The following CMTM8 variants were observed in gnomAD, a reference collection of about 807,000 sequenced individuals.
CMTM8 encodes the protein CKLF-like MARVEL transmembrane domain-containing protein 8.
Under a neutral mutation model 18.6 loss-of-function variants are expected in CMTM8, and 12 were observed. That is an observed-to-expected ratio of 0.65 (90% CI 0.41 to 1.05). The LOEUF (loss-of-function observed/expected upper bound fraction) is 1.05, where lower values mean the gene tolerates loss of function less well. CMTM8 is among the 50% of genes least tolerant of loss of function. CMTM8 has a pLI of 0.00. For synonymous variants in CMTM8, 87 were observed against 90.6 expected (o/e 0.96, Z 0.23); for missense variants, 217 against 227.2 (o/e 0.95, Z 0.29).
chr3:32,316,675 T>TC (rs1467687202), intron 1 of CMTM8, among the ~76,000 whole-genome samples: 27 of 147,308 alleles, frequency 1.8e-4, no homozygotes, highest in Admixed American at 1.6e-3. Context: ...GATTTTTTTT[T>TC]CCCCCTAAAA....
intron 1 of CMTM8, among the ~76,000 whole-genome samples, chr3:32,354,167 TAA>T (rs35976623): frequency 4.0e-5 from 6 of 149,228 alleles, no homozygotes; most frequent in South Asian, 2.1e-4. Context: ...AGTCTTAGCC[TAA>T]AAAAAAAATG....
At chr3:32,242,579 C>T (rs1701957743) in intron 1 of CMTM8, among the ~76,000 whole-genome samples, 1 of 152,066 alleles carries the variant, frequency 6.6e-6, no homozygotes, top group Non-Finnish European at 1.5e-5. Context: ...CTGCCCACCT[C>T]GGCCTCCCAA....
chr3:32,274,753 G>A (rs1481104384), intron 1 of CMTM8, among the ~76,000 whole-genome samples: 2 of 152,140 alleles, frequency 1.3e-5, no homozygotes, highest in Non-Finnish European at 2.9e-5. Context: ...TAGTCATCAT[G>A]TCTTCTTTAG....
intron 1 of CMTM8, among the ~76,000 whole-genome samples, chr3:32,282,677 A>G (rs1702625584): frequency 6.6e-6 from 1 of 152,124 alleles, no homozygotes; most frequent in African/African-American, 2.4e-5. Flanking sequence ...GTGTCATGAT[A>G]TTCCACTTCC....
chr3:32,332,472 AG>A (rs1405986685), intron 1 of CMTM8, among the ~76,000 whole-genome samples: 3 of 150,644 alleles, frequency 2.0e-5, no homozygotes, highest in African/African-American at 7.3e-5. Context: ...TCAGGAGGTG[AG>A]GGGTGGGGAG....
chr3:32,250,263 TG>T (rs1244671695), intron 1 of CMTM8, among the ~76,000 whole-genome samples: 1 of 152,266 alleles, frequency 6.6e-6, no homozygotes, highest in East Asian at 1.9e-4. Flanking sequence ...CATGCTGTAT[TG>T]ATTACTGTAA....
intron 1 of CMTM8, among the ~76,000 whole-genome samples, chr3:32,294,899 A>G (rs1262046322): frequency 3.3e-5 from 5 of 151,960 alleles, no homozygotes; most frequent in African/African-American, 1.2e-4. Context: ...TACTAAAACT[A>G]CAAAAATTAG....
intron 1 of CMTM8, among the ~76,000 whole-genome samples, chr3:32,326,309 T>TA (rs1165842213): frequency 6.6e-6 from 1 of 152,176 alleles, no homozygotes; most frequent in Non-Finnish European, 1.5e-5. Context: ...GCTCAGTGAA[T>TA]AAAATCTGAA....
chr3:32,352,136 C>G (rs559933698), intron 1 of CMTM8, among the ~76,000 whole-genome samples: 100 of 149,350 alleles, frequency 6.7e-4, no homozygotes, highest in Non-Finnish European at 1.3e-3. Flanking sequence ...CAAGATCACA[C>G]CACTGCACTC....
intron 2 of CMTM8, among the ~76,000 whole-genome samples, chr3:32,361,651 C>T (rs1205805150): frequency 3.9e-5 from 6 of 152,102 alleles, no homozygotes; most frequent in African/African-American, 1.4e-4. Context: ...ATTGATAAGG[C>T]ATGAACTTTG....
intron 1 of CMTM8, among the ~76,000 whole-genome samples, chr3:32,254,190 G>C (rs1023104112): frequency 3.3e-5 from 5 of 152,122 alleles, no homozygotes; most frequent in African/African-American, 9.7e-5. Context: ...CACTGCACCC[G>C]GCCTTGTCCC....
intron 1 of CMTM8, among the ~76,000 whole-genome samples, chr3:32,353,752 G>T (rs1696757817): frequency 6.6e-6 from 1 of 151,858 alleles, no homozygotes; most frequent in Non-Finnish European, 1.5e-5. Flanking sequence ...ATAGGGAAGG[G>T]CGTTGTCATT....
intron 1 of CMTM8, among the ~76,000 whole-genome samples, chr3:32,287,048 A>G (rs1247059155): frequency 6.6e-6 from 1 of 152,210 alleles, no homozygotes; most frequent in East Asian, 1.9e-4. Flanking sequence ...GTGCAGTGGC[A>G]GCCTATTTGT....
At chr3:32,291,668 C>G (rs1051255363) in intron 1 of CMTM8, among the ~76,000 whole-genome samples, 2 of 152,210 alleles carry the variant, frequency 1.3e-5, no homozygotes, top group African/African-American at 4.8e-5. Flanking sequence ...GCCACTTTGG[C>G]ATGGCCACAG....
At chr3:32,347,487 G>A (rs552012800) in intron 1 of CMTM8, among the ~76,000 whole-genome samples, 57 of 151,826 alleles carry the variant, frequency 3.8e-4, no homozygotes, top group African/African-American at 1.2e-3. Context: ...AGGTCCAGCC[G>A]GGCAGGGCTT....
intron 1 of CMTM8, among the ~76,000 whole-genome samples, chr3:32,257,268 C>T (rs980958268): frequency 6.6e-6 from 1 of 152,196 alleles, no homozygotes; most frequent in African/African-American, 2.4e-5. Context: ...TGAGCCACAA[C>T]ACTGGAAAGG....
intron 2 of CMTM8, 112 bp downstream of exon 2, chr3:32,357,658 C>A: frequency 9.5e-7 from 1 of 1,054,310 alleles, no homozygotes; most frequent in Non-Finnish European, 1.4e-6. Context: ...GGGGCCATAC[C>A]ATGGAGAACT....
At chr3:32,365,744 G>A (rs1697021764) in intron 2 of CMTM8, among the ~76,000 whole-genome samples, 1 of 152,190 alleles carries the variant, frequency 6.6e-6, no homozygotes, top group Non-Finnish European at 1.5e-5. Flanking sequence ...ACTGCACCCA[G>A]CGGAATTTTT....
At chr3:32,318,645 T>C (rs1034709405) in intron 1 of CMTM8, among the ~76,000 whole-genome samples, 3 of 150,656 alleles carry the variant, frequency 2.0e-5, no homozygotes, top group South Asian at 2.1e-4. Context: ...TGGCTCACTG[T>C]AAGCTCCGCC....
Sources: allele counts gnomAD v4.1 joint callset (sites outside exome capture counted in the v4.1 genomes callset), GRCh38; gene constraint gnomAD v4.1.1; transcripts MANE v1.5; gene names NCBI Gene and HGNC (gene_info 2026-07-23, HGNC 2026-07-21).